The following FARS2 variants were observed in gnomAD, a reference collection of about 807,000 sequenced individuals.
The protein encoded by FARS2 is phenylalanyl-tRNA synthetase 2, mitochondrial.
In FARS2, 40 loss-of-function variants were observed where a neutral mutation model predicts 46.4. The observed-to-expected ratio is 0.86, with a 90% CI of 0.67 to 1.12. The LOEUF (loss-of-function observed/expected upper bound fraction) is 1.12, where lower values mean the gene tolerates loss of function less well. FARS2 is among the 50% of genes most tolerant of loss of function. The pLI, the probability that FARS2 is intolerant of heterozygous loss-of-function variation, is 0.00. For missense variants in FARS2, 513 were observed against 567.9 expected (o/e 0.90, Z 0.98); for synonymous variants, 234 against 214.9 (o/e 1.09, Z -0.78).
intron 6 of FARS2, among the ~76,000 whole-genome samples, chr6:5,660,472 C>T (rs3749859): frequency 6.6e-6 from 1 of 151,654 alleles, no homozygotes; most frequent in African/African-American, 2.4e-5. Flanking sequence ...ATAGTGAGAC[C>T]CCCATCTCTA....
At chr6:5,739,817 A>G (rs1761212304) in intron 6 of FARS2, among the ~76,000 whole-genome samples, 1 of 152,202 alleles carries the variant, frequency 6.6e-6, no homozygotes, top group Non-Finnish European at 1.5e-5. Flanking sequence ...CTTTGTGAGC[A>G]AAGGCAGGGG....
At chr6:5,569,782 T>C (rs1772534545) in intron 5 of FARS2, among the ~76,000 whole-genome samples, 1 of 152,014 alleles carries the variant, frequency 6.6e-6, no homozygotes, top group Non-Finnish European at 1.5e-5. Context: ...CATATTGTTA[T>C]GGGGGAGAGG....
chr6:5,333,065 G>A (rs1770909876), intron 1 of FARS2, among the ~76,000 whole-genome samples: 1 of 152,156 alleles, frequency 6.6e-6, no homozygotes, highest in Non-Finnish European at 1.5e-5. Context: ...CCTCTAAAGT[G>A]TACCATTCTG....
chr6:5,579,582 G>C (rs1773207626), intron 5 of FARS2, among the ~76,000 whole-genome samples: 1 of 152,104 alleles, frequency 6.6e-6, no homozygotes, highest in Non-Finnish European at 1.5e-5. Flanking sequence ...ACTATTATGA[G>C]GTTTTAATGC....
chr6:5,264,823 G>A (rs1411692500), intron 1 of FARS2, among the ~76,000 whole-genome samples: 1 of 151,994 alleles, frequency 6.6e-6, no homozygotes, highest in African/African-American at 2.4e-5. Flanking sequence ...ATAGAGACAG[G>A]GTCTCTGTTT....
chr6:5,415,436 C>G (rs1489753199), intron 3 of FARS2, among the ~76,000 whole-genome samples: 1 of 150,458 alleles, frequency 6.6e-6, no homozygotes, highest in African/African-American at 2.4e-5. Context: ...CCCACCTCAG[C>G]CTCCCAAGTA....
At chr6:5,770,245 C>T (rs1762964523) in intron 6 of FARS2, among the ~76,000 whole-genome samples, 1 of 152,126 alleles carries the variant, frequency 6.6e-6, no homozygotes, top group Non-Finnish European at 1.5e-5. Context: ...TACTGAAGGC[C>T]CAGCCCTGTC....
intron 5 of FARS2, among the ~76,000 whole-genome samples, chr6:5,581,985 A>G (rs1437681876): frequency 1.0e-5 from 1 of 96,710 alleles, no homozygotes; most frequent in Non-Finnish European, 2.2e-5. Context: ...ACAGTAAGAT[A>G]CTTCCGGTTA....
chr6:5,628,762 C>A (rs1009955371), intron 6 of FARS2, among the ~76,000 whole-genome samples: 1 of 152,172 alleles, frequency 6.6e-6, no homozygotes. Flanking sequence ...GGCGCCCAGC[C>A]GCATGCTGCC....
At chr6:5,453,200 G>C (rs1050240375) in intron 4 of FARS2, among the ~76,000 whole-genome samples, 6 of 152,182 alleles carry the variant, frequency 3.9e-5, no homozygotes, top group Admixed American at 2.6e-4. Flanking sequence ...AGTGACATCT[G>C]TAGATACAGA....
intron 4 of FARS2, among the ~76,000 whole-genome samples, chr6:5,466,371 G>A (rs1170829585): frequency 6.6e-6 from 1 of 152,084 alleles, no homozygotes; most frequent in Non-Finnish European, 1.5e-5. Flanking sequence ...TGTCATGCCT[G>A]TGTCATTTCT....
intron 1 of FARS2, among the ~76,000 whole-genome samples, chr6:5,276,985 C>T (rs1766381227): frequency 6.6e-6 from 1 of 152,186 alleles, no homozygotes; most frequent in Admixed American, 6.5e-5. Context: ...TCTCCTGAGC[C>T]AGCCTCAGTG....
At chr6:5,712,684 T>G (rs1301861732) in intron 6 of FARS2, among the ~76,000 whole-genome samples, 1 of 152,238 alleles carries the variant, frequency 6.6e-6, no homozygotes, top group East Asian at 1.9e-4. Flanking sequence ...GCCTGCAGCC[T>G]TTCTGCTGCA....
At chr6:5,521,971 G>A (rs1425746846) in intron 4 of FARS2, among the ~76,000 whole-genome samples, 1 of 152,196 alleles carries the variant, frequency 6.6e-6, no homozygotes, top group East Asian at 1.9e-4. Flanking sequence ...GACCTTAAGA[G>A]TTTGGTCCCA....
At position 5,687,475 on chromosome 6, in the gene FARS2, T is replaced by C. The variant is rs9504490; in HGVS notation, c.1217+74155T>C. ...TAGGGAATCCTTTCCCCATTGCTTG[T>C]TTTTCTCAGGTTTGTCAAAGATCAG... On this transcript the variant is annotated intron_variant, in intron 6 of 6. Transcript: ENST00000274680. Among the ~76,000 whole-genome samples the C allele has an allele frequency of 7.6e-3, 1,159 of 152,300 alleles. 13 individuals are homozygous for C. Among genetic ancestry groups the C allele is most frequent in the African/African-American group, 0.026 (1,061 of 41,564 alleles).
rs144939582 is a variant in FARS2 at position 5,297,137 on chromosome 6, G to A, written c.-22+35477G>A. Among the ~76,000 whole-genome samples the A allele has an allele frequency of 2.2e-3, 337 of 152,246 alleles. 2 individuals are homozygous for A. Among genetic ancestry groups the A allele is most frequent in the African/African-American group, 7.8e-3 (326 of 41,536 alleles). ...GAGGAAGGGTAGCACAGAGAGGTTA[G>A]GTGAGCTCACATAGCTAACATGTGC... On this transcript the variant is annotated intron_variant, in intron 1 of 6. Transcript: ENST00000274680.
At chr6:5,592,814 T>C (rs2150607938) in intron 5 of FARS2, among the ~76,000 whole-genome samples, 1 of 152,322 alleles carries the variant, frequency 6.6e-6, no homozygotes, top group East Asian at 1.9e-4. Flanking sequence ...CAGTACTCCT[T>C]GCCTGCCACG....
intron 1 of FARS2, among the ~76,000 whole-genome samples, chr6:5,338,263 TACTA>T (rs1034276672): frequency 1.3e-5 from 2 of 152,238 alleles, no homozygotes; most frequent in African/African-American, 4.8e-5. Context: ...GTGAATTTCC[TACTA>T]ACTAACTTGC....
At chr6:5,577,440 A>G (rs956339018) in intron 5 of FARS2, among the ~76,000 whole-genome samples, 13 of 152,152 alleles carry the variant, frequency 8.5e-5, no homozygotes, top group Non-Finnish European at 1.5e-4. Flanking sequence ...GAGCTACCCT[A>G]GTACTTACAT....
Sources: gnomAD v4.1 joint callset for allele counts (sites outside exome capture counted in the v4.1 genomes callset) on GRCh38, gnomAD v4.1.1 for gene constraint, MANE v1.5 for transcripts, NCBI Gene and HGNC (gene_info 2026-07-23, HGNC 2026-07-21) for gene names.